Variants in FAHD2B observed in about 807,000 individuals in gnomAD.
The protein encoded by FAHD2B is oxaloacetate tautomerase FAHD2B, mitochondrial.
Under a neutral mutation model 33.7 loss-of-function variants are expected in FAHD2B, and 26 were observed. The ratio of observed to expected loss-of-function variants is 0.77; its 90% CI spans 0.57 to 1.07. The LOEUF (loss-of-function observed/expected upper bound fraction) is 1.07, where lower values mean the gene tolerates loss of function less well. Among genes scored for constraint, FAHD2B ranks in the 50% least tolerant of loss-of-function variants. FAHD2B has a pLI of 0.00. For missense variants in FAHD2B, 272 were observed against 388.1 expected, an observed-to-expected ratio of 0.70 and a Z score of 2.51; for synonymous variants, 108 against 150.9, an observed-to-expected ratio of 0.72 and a Z score of 2.08.
At chr2:97,084,423 G>A (rs2031824924) in intron 6 of FAHD2B, 146 bp from the exon 7 acceptor site, 1 of 892,726 alleles carries the variant, frequency 1.1e-6, no homozygotes, top group Non-Finnish European at 1.7e-6. Flanking sequence ...CACTATGTTA[G>A]AACTTTCTGT....
At chr2:97,079,775 C>T (rs1272188781), downstream of FAHD2B, among the ~76,000 whole-genome samples, 3 of 151,668 alleles carry the variant, frequency 2.0e-5, no homozygotes, top group African/African-American at 7.3e-5. Context: ...AGCAATTCTT[C>T]TGCCTCAGCC....
At chr2:97,083,126 C>A (rs17119285), downstream of FAHD2B, 18,712 of 1,554,210 alleles carry the variant, frequency 0.012, 2,009 homozygotes, top group African/African-American at 0.23. Context: ...ACTCATGGCG[C>A]ATCTTCCATG....
rs1319425525 is a variant in FAHD2B at position 97,083,610 on chromosome 2, AAG to A, written c.*143_*144del. 2 of 1,340,150 alleles carry A rather than the reference AAG, an allele frequency of 1.5e-6. No homozygotes were observed. The highest frequency in any genetic ancestry group is 2.1e-6 in the Non-Finnish European group (2 of 974,774). The allele number at this position is 1,340,150 out of a possible 1,614,324, so 83.0% of individuals were successfully genotyped here. A position where few individuals can be genotyped will look rare whatever the true frequency, so the allele number is the denominator to read the frequency against. On this transcript the variant is annotated 3_prime_UTR_variant, in exon 9 of 9. Transcript: ENST00000414820. ...CTGCTTTGACCCGACGCATTTATTGAAGAGAGCTCTGTCCTTCTCCCTTCTAC... is the reference window on the plus strand; with the variant it reads ...CTGCTTTGACCCGACGCATTTATTGAAGAGCTCTGTCCTTCTCCCTTCTAC...
Position 97,091,665 on chromosome 2 carries a change from C to G in FAHD2B, c.42G>C (p.Leu14=), listed in dbSNP as rs776965336. The stretch of plus-strand genomic sequence containing the variant: ...GTTGAAAGGGCCACTTCTGAGCCTG[C>G]AGCAGAGCTGTGAGTAATCTTCTTC... ...SGRRRLLTAL[L]QAQKWPFQPS... The change falls in exon 3 of 9, where the codon CTG becomes CTC. Residue 14 remains leucine, a synonymous_variant. Coordinates refer to ENST00000414820, the MANE Select transcript of FAHD2B (RefSeq NM_001320848.2). The G allele has an allele frequency of 2.5e-6, 4 of 1,613,678 alleles. No homozygotes were observed. Among genetic ancestry groups the G allele is most frequent in the East Asian group, 4.5e-5 (2 of 44,856 alleles).
At chr2:97,083,329 T>TG (rs1337095082), downstream of FAHD2B, 2 of 1,546,664 alleles carry the variant, frequency 1.3e-6, no homozygotes, top group African/African-American at 2.8e-5. Context: ...AGCCAGAAGA[T>TG]GGAGAGGAGG....
downstream of FAHD2B, among the ~76,000 whole-genome samples, chr2:97,078,812 A>C (rs2031562483): frequency 6.6e-6 from 1 of 152,112 alleles, no homozygotes; most frequent in Non-Finnish European, 1.5e-5. Context: ...GGTTTGTTAC[A>C]TAGGTAAACA....
chr2:97,082,999 T>C (rs191136219), downstream of FAHD2B: 1,412 of 939,464 alleles, frequency 1.5e-3, 5 homozygotes, highest in Admixed American at 1.3e-3. Flanking sequence ...TGGGGCTGCT[T>C]TGCGGCAGCA....
Position 97,089,519 on chromosome 2 carries a change from A to G in FAHD2B, c.462+590T>C, listed in dbSNP as rs576467549. Among the ~76,000 whole-genome samples, 3 of 40,706 alleles carry G rather than the reference A, an allele frequency of 7.4e-5. No individual in the cohort carries two copies. In the South Asian group the frequency reaches 1.2e-3, roughly 16 times the overall value. 26.7% of individuals were successfully genotyped at this position (40,706 alleles called of 152,430 possible). ...GGCAACAGAGAAAGACTCTGTCTCA[A>G]AAAAAAAAAAAAAAAAAGGAAATAA... On this transcript the variant is annotated intron_variant, in intron 4 of 8. Coordinates refer to ENST00000414820, the MANE Select transcript of FAHD2B (RefSeq NM_001320848.2).
rs2031778681 is a variant in FAHD2B, at chr2:97,083,964, G to A, written c.866C>T (p.Pro289Leu). 3 of 1,613,736 alleles carry A rather than the reference G, an allele frequency of 1.9e-6. No homozygotes were observed. Among genetic ancestry groups the A allele is most frequent in the Admixed American group, 3.3e-5 (2 of 59,882 alleles). The change falls in exon 8 of 9, where the codon CCT becomes CTT. Residue 289 changes from proline (P) to leucine (L), a missense_variant. Transcript: ENST00000414820. ...CTAACCTACCTTGAGAAAGACAGGA[G>A]GTTTCCTGAATACACCGACACCTGG... Reference protein sequence around the residue: ...TPPGVGVFRKPPVFLKKGDEV... With the variant: ...TPPGVGVFRKLPVFLKKGDEV...
downstream of FAHD2B, chr2:97,083,262 C>A (rs570206308): frequency 8.7e-6 from 14 of 1,607,152 alleles, no homozygotes; most frequent in Middle Eastern, 2.3e-4. Context: ...GTAGCTAGAA[C>A]TGTGAGGAGG....
chr2:97,080,432 T>C (rs2031602434), downstream of FAHD2B, among the ~76,000 whole-genome samples: 2 of 152,066 alleles, frequency 1.3e-5, no homozygotes, highest in Non-Finnish European at 2.9e-5. Context: ...CTCTATTCTG[T>C]TCCATTGGTC....
Position 97,085,726 on chromosome 2 carries a change from C to G in FAHD2B, c.658G>C (p.Ala220Pro), listed in dbSNP as rs1403182145. The G allele has an allele frequency of 6.2e-7, 1 of 1,613,824 alleles. No homozygotes were observed. Among genetic ancestry groups the G allele is most frequent in the South Asian group, 1.1e-5 (1 of 90,990 alleles). ...TFDTFCPLGP[A>P]LVTKDSVADP... ...GCTACACTGTCCTTGGTCACCAAGG[C>G]AGGGCCCAGAGGGCAGAAGGTGTCG... The change falls in exon 6 of 9, where the codon GCC becomes CCC. Residue 220 changes from alanine to proline, a missense_variant. Ala to Pro is a conservative substitution (Grantham distance 27). Coordinates refer to ENST00000414820, the MANE Select transcript of FAHD2B (RefSeq NM_001320848.2).
At chr2:97,084,083 G>T in intron 7 of FAHD2B, 48 bp from the exon 8 acceptor site, 1 of 1,613,032 alleles carries the variant, frequency 6.2e-7, no homozygotes. Context: ...TGGCTGAGTG[G>T]CCACAGCCAA....
chr2:97,086,821 A>T (rs2032019349), intron 4 of FAHD2B: 1 of 152,696 alleles, frequency 6.5e-6, no homozygotes, highest in South Asian at 2.1e-4. Context: ...ACTCCCCACT[A>T]AGGAGCACTG....
Position 97,091,714 on chromosome 2 carries a change from T to C in FAHD2B, c.-6-2A>G, listed in dbSNP as rs1188329916. On this transcript the variant is annotated splice_acceptor_variant, in intron 2 of 8. Coordinates refer to ENST00000414820, the MANE Select transcript of FAHD2B (RefSeq NM_001320848.2). LOFTEE classifies it low-confidence loss of function (5UTR_SPLICE). ...TCTACCAGACACCAGCATCAGAGCC[T>C]GCAGAGAAAAACACAGGATCCAGGA... 4 of 1,606,116 alleles carry C rather than the reference T, an allele frequency of 2.5e-6. No homozygotes were observed. The highest frequency in any genetic ancestry group is 3.4e-6 in the Non-Finnish European group (4 of 1,174,954).
rs757040095 is a variant in FAHD2B at position 97,084,261 on chromosome 2, C to G, written c.702G>C (p.Lys234Asn). 3.1e-6 allele frequency: 5 copies of G among 1,613,666 alleles called. No homozygotes were observed. Among genetic ancestry groups the G allele is most frequent in the Non-Finnish European group, 4.2e-6 (5 of 1,179,848 alleles). The change falls in exon 7 of 9, where the codon AAG (lysine) becomes AAC (asparagine). Residue 234 changes from lysine to asparagine, a missense_variant. Lys to Asn is a moderately conservative substitution (Grantham distance 94, BLOSUM62 0). Coordinates refer to ENST00000414820, the MANE Select transcript of FAHD2B (RefSeq NM_001320848.2). ...CTTCCCCATTCACTCGGCAGCAGATCTTTAAGTTGTGTGGATCTGAAATGC... is the reference window on the plus strand; with the variant it reads ...CTTCCCCATTCACTCGGCAGCAGATGTTTAAGTTGTGTGGATCTGAAATGC... ...KDSVADPHNL[K>N]ICCRVNGEVV...
rs138523783 is a variant in FAHD2B at position 97,085,785 on chromosome 2, C to T, written c.599G>A (p.Arg200His). The stretch of plus-strand genomic sequence containing the variant: ...TCCCAGCAGCCACTGTTTCCCATTG[C>T]GTCTTGTTAGCCAGTCACGAGCACT... Reference protein sequence around the residue: ...DVSARDWLTRRNGKQWLLGKT... With the variant: ...DVSARDWLTRHNGKQWLLGKT... The change falls in exon 6 of 9, where the codon CGC (arginine) becomes CAC (histidine). Residue 200 changes from arginine (R) to histidine (H), a missense_variant. Physicochemically the swap from Arg to His is conservative, Grantham distance 29. Coordinates refer to ENST00000414820, the MANE Select transcript of FAHD2B (RefSeq NM_001320848.2). 3.4e-4 allele frequency: 556 copies of T among 1,613,678 alleles called. 5 individuals are homozygous for T. The highest frequency in any genetic ancestry group is 1.9e-4 in the South Asian group (17 of 90,990).
downstream of FAHD2B, chr2:97,081,117 GC>G (rs1337605244): frequency 1.1e-5 from 16 of 1,505,690 alleles, no homozygotes; most frequent in African/African-American, 2.1e-4. Flanking sequence ...CAGTGCGGGG[GC>G]TGCTGGCAGG....
At chr2:97,083,025 TGA>T, downstream of FAHD2B, 1 of 1,111,048 alleles carries the variant, frequency 9.0e-7, no homozygotes, top group Non-Finnish European at 1.3e-6. Context: ...ATGCAAACAC[TGA>T]GGTCTAAGGG....
Sources: gnomAD v4.1 joint callset for allele counts (sites outside exome capture counted in the v4.1 genomes callset) on GRCh38, gnomAD v4.1.1 for gene constraint, MANE v1.5 for transcripts, NCBI Gene and HGNC (gene_info 2026-07-23, HGNC 2026-07-21) for gene names.